The following PDGFD variants were observed in gnomAD, a reference collection of about 807,000 sequenced individuals.
PDGFD encodes the protein platelet derived growth factor D.
In PDGFD, 30 loss-of-function variants were observed where a neutral mutation model predicts 44.7. The observed-to-expected ratio is 0.67, with a 90% CI of 0.50 to 0.91. PDGFD has a LOEUF of 0.91. PDGFD is among the 40% of genes least tolerant of loss of function. PDGFD has a pLI of 0.00. For missense variants in PDGFD, 445 were observed against 457.8 expected (o/e 0.97, Z 0.25); for synonymous variants, 173 against 168.4 (o/e 1.03, Z -0.21).
At chr11:104,040,853 T>G (rs1043055398) in intron 1 of PDGFD, among the ~76,000 whole-genome samples, 1 of 152,014 alleles carries the variant, frequency 6.6e-6, no homozygotes, top group African/African-American at 2.4e-5. Context: ...TGAAATGAAA[T>G]AATAGGATAT....
At chr11:104,004,481 T>A (rs1317242885) in intron 1 of PDGFD, among the ~76,000 whole-genome samples, 1 of 152,188 alleles carries the variant, frequency 6.6e-6, no homozygotes, top group Non-Finnish European at 1.5e-5. Context: ...GTACATCATT[T>A]TATATAATGG....
At chr11:104,071,832 T>C (rs1280184790) in intron 1 of PDGFD, among the ~76,000 whole-genome samples, 1 of 151,784 alleles carries the variant, frequency 6.6e-6, no homozygotes, top group Non-Finnish European at 1.5e-5. Flanking sequence ...TTCAACTTCA[T>C]TTATTAAAAA....
intron 1 of PDGFD, among the ~76,000 whole-genome samples, chr11:104,081,212 A>T (rs1163276183): frequency 6.6e-6 from 1 of 152,216 alleles, no homozygotes; most frequent in Non-Finnish European, 1.5e-5. Context: ...TATGCAATAG[A>T]TAAATAATAT....
rs115040198 is a variant in PDGFD at position 103,965,719 on chromosome 11, C to T, written c.511-17995G>A. 8.1e-3 allele frequency among the ~76,000 whole-genome samples: 1,228 copies of T among 152,286 alleles called. 24 individuals are homozygous for T. The highest frequency in any genetic ancestry group is 0.028 in the African/African-American group (1,172 of 41,562). On this transcript the variant is annotated intron_variant, in intron 3 of 6. Transcript: ENST00000393158. Reference sequence around the variant, plus strand: ...ACATACTGACCATGGTAGACTTGATCTGAATGTGCAATTCATTGCCCTTGA... The same window carrying T: ...ACATACTGACCATGGTAGACTTGATTTGAATGTGCAATTCATTGCCCTTGA...
intron 1 of PDGFD, among the ~76,000 whole-genome samples, chr11:104,099,704 C>T (rs1356283770): frequency 6.6e-6 from 1 of 150,652 alleles, no homozygotes; most frequent in Non-Finnish European, 1.5e-5. Context: ...GAATATATCT[C>T]ATCTTCCTGC....
At chr11:104,108,286 C>T (rs1245842088) in intron 1 of PDGFD, among the ~76,000 whole-genome samples, 1 of 151,788 alleles carries the variant, frequency 6.6e-6, no homozygotes, top group African/African-American at 2.4e-5. Context: ...AATGGGAAAA[C>T]ATTTTTGCAA....
chr11:104,028,794 G>C (rs1860083948), intron 1 of PDGFD, among the ~76,000 whole-genome samples: 1 of 150,952 alleles, frequency 6.6e-6, no homozygotes, highest in South Asian at 2.1e-4. Flanking sequence ...AAAAAATGCA[G>C]AAAAATAAAA....
chr11:103,925,507 A>G (rs1295726517), intron 6 of PDGFD, among the ~76,000 whole-genome samples: 1 of 151,684 alleles, frequency 6.6e-6, no homozygotes, highest in Non-Finnish European at 1.5e-5. Context: ...GGGTTATCTG[A>G]TATATTAATT....
intron 3 of PDGFD, among the ~76,000 whole-genome samples, chr11:103,988,707 T>C (rs1242086120): frequency 1.3e-5 from 2 of 152,178 alleles, no homozygotes; most frequent in East Asian, 1.9e-4. Flanking sequence ...GCAGCACATA[T>C]GTATGAGCTC....
chr11:104,028,234 T>C (rs1470969717), intron 1 of PDGFD, among the ~76,000 whole-genome samples: 1 of 151,368 alleles, frequency 6.6e-6, no homozygotes, highest in Non-Finnish European at 1.5e-5. Flanking sequence ...TCCTTTTTCT[T>C]AGGAAGGCAA....
At chr11:104,050,550 C>A (rs1400212541) in intron 1 of PDGFD, among the ~76,000 whole-genome samples, 1 of 152,168 alleles carries the variant, frequency 6.6e-6, no homozygotes, top group Non-Finnish European at 1.5e-5. Flanking sequence ...ACTTCCTGGA[C>A]ATACACCCTT....
At chr11:103,984,803 A>T in intron 3 of PDGFD, among the ~76,000 whole-genome samples, 1 of 144,698 alleles carries the variant, frequency 6.9e-6, no homozygotes, top group Admixed American at 7.1e-5. Flanking sequence ...AATTATATTT[A>T]ATATATTTAT....
At chr11:103,919,674 AATTTTTGTATTTTTAGTAG>A (rs1000488816) in intron 6 of PDGFD, among the ~76,000 whole-genome samples, 3 of 151,662 alleles carry the variant, frequency 2.0e-5, no homozygotes, top group African/African-American at 7.3e-5. Context: ...ACGCCTGGCT[AATTTTTGTATTTTTAGTAG>A]AGATGGGGTT....
At chr11:104,086,747 C>A (rs748164887) in intron 1 of PDGFD, among the ~76,000 whole-genome samples, 2 of 152,078 alleles carry the variant, frequency 1.3e-5, no homozygotes, top group African/African-American at 4.8e-5. Flanking sequence ...AATACATAAA[C>A]AAAATTATTT....
chr11:104,035,245 AT>A (rs1342837102), intron 1 of PDGFD, among the ~76,000 whole-genome samples: 1 of 152,056 alleles, frequency 6.6e-6, no homozygotes, highest in African/African-American at 2.4e-5. Context: ...CCTATATCCC[AT>A]TTTAGAGACC....
intron 1 of PDGFD, among the ~76,000 whole-genome samples, chr11:104,017,429 A>T (rs1415395000): frequency 1.3e-5 from 2 of 152,026 alleles, no homozygotes; most frequent in Non-Finnish European, 2.9e-5. Context: ...ACCTCTATCC[A>T]TTGCAGAATG....
At chr11:104,062,842 G>A (rs1023961100) in intron 1 of PDGFD, among the ~76,000 whole-genome samples, 1 of 152,172 alleles carries the variant, frequency 6.6e-6, no homozygotes, top group Non-Finnish European at 1.5e-5. Flanking sequence ...TTGATGATCA[G>A]ATATGCAGCC....
intron 1 of PDGFD, among the ~76,000 whole-genome samples, chr11:104,032,298 T>C (rs1317371424): frequency 6.6e-6 from 1 of 152,122 alleles, no homozygotes; most frequent in East Asian, 1.9e-4. Context: ...GTAAAGCAAA[T>C]AAAAGAATTA....
chr11:104,135,653 G>A (rs1184413833), intron 1 of PDGFD, among the ~76,000 whole-genome samples: 1 of 152,164 alleles, frequency 6.6e-6, no homozygotes, highest in African/African-American at 2.4e-5. Context: ...ACTCCTTGCA[G>A]TGTGGAGGAT....
Sources: allele counts gnomAD v4.1 joint callset (sites outside exome capture counted in the v4.1 genomes callset), GRCh38; gene constraint gnomAD v4.1.1; transcripts MANE v1.5; gene names NCBI Gene and HGNC (gene_info 2026-07-23, HGNC 2026-07-21).